Variants in CFAP20DC observed in about 807,000 individuals in gnomAD.
The protein encoded by CFAP20DC is protein CFAP20DC.
A neutral mutation model predicts 101.7 loss-of-function variants in CFAP20DC; 84 were observed. The observed-to-expected ratio is 0.83, with a 90% CI of 0.69 to 0.99. The LOEUF is 0.99. CFAP20DC is among the 50% of genes least tolerant of loss of function. CFAP20DC has a pLI of 0.00. For missense variants in CFAP20DC, 1,007 were observed against 970.3 expected, an observed-to-expected ratio of 1.04 and a Z score of -0.50; for synonymous variants, 359 against 351.2, an observed-to-expected ratio of 1.02 and a Z score of -0.25.
chr3:58,875,091 G>A (rs1289776947), intron 7 of CFAP20DC, among the ~76,000 whole-genome samples: 1 of 152,228 alleles, frequency 6.6e-6, no homozygotes, highest in Admixed American at 6.5e-5. Flanking sequence ...GGATGAGAGA[G>A]AAGGGATAAC....
intron 4 of CFAP20DC, among the ~76,000 whole-genome samples, chr3:59,028,533 T>A (rs2093932265): frequency 6.6e-6 from 1 of 152,214 alleles, no homozygotes; most frequent in Admixed American, 6.5e-5. Flanking sequence ...TTACTATATA[T>A]CTACTACTTA....
intron 4 of CFAP20DC, among the ~76,000 whole-genome samples, chr3:58,981,631 T>C (rs1025132835): frequency 1.3e-5 from 2 of 152,132 alleles, no homozygotes; most frequent in African/African-American, 2.4e-5. Context: ...TAATAAACGG[T>C]GCTGGGAAAA....
chr3:59,015,628 G>T lies in CFAP20DC; in HGVS notation c.278+23929C>A, dbSNP rs1387438537. On this transcript the variant is annotated intron_variant, in intron 4 of 16. Transcript: ENST00000482387. The surrounding 1 kb of genome is among the most constrained non-coding windows in gnomAD (Gnocchi z 5.4). ...TAGAAACAGCATATCTAATCCTCTAGTTTATTCACATTTACATCACTTTAG... is the reference window on the plus strand; with the variant it reads ...TAGAAACAGCATATCTAATCCTCTATTTTATTCACATTTACATCACTTTAG... 1.3e-5 allele frequency among the ~76,000 whole-genome samples: 2 copies of T among 152,028 alleles called. No individual in the cohort carries two copies. The highest frequency in any genetic ancestry group is 2.9e-5 in the Non-Finnish European group (2 of 67,986).
At chr3:58,787,681 T>G (rs114473996) in intron 15 of CFAP20DC, among the ~76,000 whole-genome samples, 8 of 152,008 alleles carry the variant, frequency 5.3e-5, no homozygotes, top group African/African-American at 1.9e-4. Flanking sequence ...ACTATAAAGA[T>G]GCACATGCAT....
At chr3:58,920,813 G>C (rs1196784041) in intron 5 of CFAP20DC, among the ~76,000 whole-genome samples, 3 of 152,072 alleles carry the variant, frequency 2.0e-5, no homozygotes, top group Non-Finnish European at 2.9e-5. Context: ...TGTATAAGTT[G>C]GGAAATGTTC....
chr3:58,949,480 T>G (rs1369123172), intron 4 of CFAP20DC, among the ~76,000 whole-genome samples: 2 of 152,180 alleles, frequency 1.3e-5, no homozygotes, highest in African/African-American at 2.4e-5. Context: ...TCTGGTATGT[T>G]GTGTCTTTGT....
chr3:58,766,211 A>G (rs2070298112), intron 15 of CFAP20DC, among the ~76,000 whole-genome samples: 1 of 152,232 alleles, frequency 6.6e-6, no homozygotes, highest in African/African-American at 2.4e-5. Flanking sequence ...GGCATAAACA[A>G]TAGGTTTACG....
intron 6 of CFAP20DC, among the ~76,000 whole-genome samples, chr3:58,891,820 T>C (rs986350611): frequency 3.9e-5 from 6 of 152,222 alleles, no homozygotes; most frequent in African/African-American, 9.6e-5. Flanking sequence ...TAGAGCCCAT[T>C]TGTCTATTTT....
chr3:58,867,736 T>C (rs773028773), intron 10 of CFAP20DC, 81 bp downstream of exon 10: 18 of 1,536,840 alleles, frequency 1.2e-5, no homozygotes, highest in Non-Finnish European at 1.5e-5. Flanking sequence ...CATAATCCTT[T>C]GAAATTTACA....
At chr3:58,802,747 A>ACAATATATG (rs1336473740) in intron 15 of CFAP20DC, among the ~76,000 whole-genome samples, 1 of 152,214 alleles carries the variant, frequency 6.6e-6, no homozygotes, top group Admixed American at 6.5e-5. Flanking sequence ...TGTGAGAAAA[A>ACAATATATG]CAATATATGA....
At chr3:58,756,535 GTTGATTT>G (rs2068971495) in intron 15 of CFAP20DC, among the ~76,000 whole-genome samples, 1 of 151,742 alleles carries the variant, frequency 6.6e-6, no homozygotes, top group South Asian at 2.1e-4. Context: ...CTCCTTTCTT[GTTGATTT>G]TTATTACTTT....
intron 7 of CFAP20DC, among the ~76,000 whole-genome samples, chr3:58,881,113 A>T (rs2081196943): frequency 6.6e-6 from 1 of 152,166 alleles, no homozygotes; most frequent in African/African-American, 2.4e-5. Flanking sequence ...TGCCAAAAAT[A>T]GTTAGATGAT....
chr3:58,740,347 TG>T (rs1484705758), downstream of CFAP20DC, among the ~76,000 whole-genome samples: 6 of 152,288 alleles, frequency 3.9e-5, no homozygotes, highest in Middle Eastern at 3.4e-3. This position sits in a 1 kb window ranked among gnomAD's most constrained non-coding sequence, Gnocchi z 4.6. Context: ...CATGCGGTCC[TG>T]GGGATAACTG....
In CFAP20DC at chr3:58,795,681, T is replaced by C. The variant is rs1362820919; in HGVS notation, c.2237+10714A>G. Among the ~76,000 whole-genome samples, 2 of 152,132 alleles carry C rather than the reference T, an allele frequency of 1.3e-5. No individual in the cohort carries two copies. The highest frequency in any genetic ancestry group is 4.8e-5 in the African/African-American group (2 of 41,420). On this transcript the variant is annotated intron_variant, in intron 15 of 16. Transcript: ENST00000482387. This position sits in a 1 kb window ranked among gnomAD's most constrained non-coding sequence, Gnocchi z 4.2. ...ATAGCGAAAGCCAAGATTCTTCAGG[T>C]ATCTGTCTTTTCAGACACAGAAGCC...
intron 4 of CFAP20DC, among the ~76,000 whole-genome samples, chr3:58,952,433 G>T (rs1255377275): frequency 2.0e-5 from 3 of 152,046 alleles, no homozygotes; most frequent in Admixed American, 2.0e-4. Flanking sequence ...CAGCTGTCTT[G>T]GGTGATCAGA....
chr3:58,794,364 A>C (rs1305587759), intron 15 of CFAP20DC: 1 of 455,882 alleles, frequency 2.2e-6, no homozygotes, highest in Middle Eastern at 3.3e-4. Context: ...AAGAGTCAAC[A>C]GAACAATAAT....
At chr3:58,789,119 C>A (rs1324345752) in intron 15 of CFAP20DC, among the ~76,000 whole-genome samples, 1 of 152,140 alleles carries the variant, frequency 6.6e-6, no homozygotes, top group African/African-American at 2.4e-5. Context: ...GAAAAAAGTT[C>A]AATCCCAAGC....
intron 16 of CFAP20DC, among the ~76,000 whole-genome samples, chr3:58,753,212 T>C (rs978274174): frequency 2.0e-5 from 3 of 152,216 alleles, no homozygotes; most frequent in African/African-American, 7.2e-5. Flanking sequence ...ATACCTATTG[T>C]AGCTACGTGA....
intron 5 of CFAP20DC, among the ~76,000 whole-genome samples, chr3:58,924,439 T>C (rs1020024770): frequency 3.9e-5 from 6 of 152,166 alleles, no homozygotes; most frequent in African/African-American, 1.4e-4. Context: ...CAGTATTTCA[T>C]GGTATACATA....
Sources: gnomAD v4.1 joint callset for allele counts (sites outside exome capture counted in the v4.1 genomes callset) on GRCh38, gnomAD v4.1.1 for gene constraint, Gnocchi (gnomAD v3.1) non-coding constraint, MANE v1.5 for transcripts, NCBI Gene and HGNC (gene_info 2026-07-23, HGNC 2026-07-21) for gene names.